Variants in TMEM171 observed in about 807,000 individuals in gnomAD.
TMEM171 encodes proline-rich protein PRP2.
TMEM171 carries 16 observed loss-of-function variants against 19.1 expected under a neutral mutation model. That is an observed-to-expected ratio of 0.84 (90% CI 0.57 to 1.27). The LOEUF is 1.27. Among genes scored for constraint, TMEM171 ranks in the 50% most tolerant of loss-of-function variants. TMEM171 has a pLI of 0.00. For synonymous variants in TMEM171, 153 were observed against 163.4 expected (o/e 0.94, Z 0.48); for missense variants, 429 against 412.7 (o/e 1.04, Z -0.34).
rs138953568 is a variant in TMEM171 at position 73,124,092 on chromosome 5, G to A, written c.640+79G>A. ...GTTTCACCAGCTGCTCTTGGTTCTC[G>A]TCTGGATTCTCTTTCTCAATTCTTC... On this transcript the variant is annotated intron_variant, in intron 2 of 3. Transcript: ENST00000454765. The A allele has an allele frequency of 2.9e-3, 3,572 of 1,235,542 alleles. 42 individuals are homozygous for A. The highest frequency in any genetic ancestry group is 0.026 in the South Asian group (1,548 of 60,212). 76.5% of individuals were successfully genotyped at this position (1,235,542 alleles called of 1,614,324 possible).
chr5:73,127,382 A>ATATAT (rs879892153), intron 2 of TMEM171, among the ~76,000 whole-genome samples: 1,223 of 68,130 alleles, frequency 0.018, 23 homozygotes, highest in Non-Finnish European at 0.026. Flanking sequence ...AAAAAAAAAA[A>ATATAT]AAATATATAT....
At chr5:73,129,054 A>G (rs900527247) in intron 3 of TMEM171, among the ~76,000 whole-genome samples, 1 of 152,206 alleles carries the variant, frequency 6.6e-6, no homozygotes, top group Admixed American at 6.5e-5. Context: ...TTACCGGCGG[A>G]GGGTGTCCAC....
At chr5:73,127,384 A>AAAAAAAAAATATATATATATAT in intron 2 of TMEM171, among the ~76,000 whole-genome samples, 3 of 81,696 alleles carry the variant, frequency 3.7e-5, no homozygotes, top group East Asian at 3.4e-4. Context: ...AAAAAAAAAA[A>AAAAAAAAAATATATATATATAT]ATATATATAT....
rs1744056559 is a variant in TMEM171 at position 73,123,404 on chromosome 5, G to A, written c.31G>A (p.Gly11Arg). 1 of 1,613,858 alleles carries A rather than the reference G, an allele frequency of 6.2e-7. No homozygotes were observed. Among genetic ancestry groups the A allele is most frequent in the Non-Finnish European group, 8.5e-7 (1 of 1,179,768 alleles). Reference sequence around the variant, plus strand: ...TCCTGCAGCTGCTGCTGAGCCAGATGGGGACCAGCAGGACAGACACGTCAG... The same window carrying A: ...TCCTGCAGCTGCTGCTGAGCCAGATAGGGACCAGCAGGACAGACACGTCAG... MSPAAAAEPD[G>R]DQQDRHVSKL... The change falls in exon 2 of 4, where the codon GGG becomes AGG. Residue 11 changes from glycine to arginine, a missense_variant. Transcript: ENST00000454765.
rs772563170 is a variant in TMEM171, at chr5:73,128,525, A to G, written c.776A>G (p.Asn259Ser). ...ENPPSYYSIF[N>S]YGRTPTSEGA... is the part of the protein sequence containing the mutation. ...CCCCCTTCATATTACAGTATTTTCA[A>G]CTATGGGTAAGAATTTCAATTTGAA... The change falls in exon 3 of 4, where the codon AAC becomes AGC. Residue 259 changes from asparagine (N) to serine (S), a missense_variant. By Grantham distance (46) the Asn-to-Ser change is conservative (BLOSUM62 1). Coordinates refer to ENST00000454765, the MANE Select transcript of TMEM171 (RefSeq NM_173490.8). The G allele has an allele frequency of 6.2e-7, 1 of 1,614,014 alleles. No homozygotes were observed. Among genetic ancestry groups the G allele is most frequent in the South Asian group, 1.1e-5 (1 of 91,072 alleles).
At chr5:73,125,314 C>T (rs568104930) in intron 2 of TMEM171, among the ~76,000 whole-genome samples, 1 of 152,254 alleles carries the variant, frequency 6.6e-6, no homozygotes, top group South Asian at 2.1e-4. Flanking sequence ...TCTTAAAGGT[C>T]CCCTGTGTGA....
chr5:73,122,906 T>C (rs1744042568), intron 1 of TMEM171, among the ~76,000 whole-genome samples: 1 of 152,200 alleles, frequency 6.6e-6, no homozygotes, highest in Non-Finnish European at 1.5e-5. Context: ...TGAGAGCAGC[T>C]ATGATGAAAA....
chr5:73,126,632 A>T (rs901104519), intron 2 of TMEM171, among the ~76,000 whole-genome samples: 22 of 152,132 alleles, frequency 1.4e-4, no homozygotes, highest in Non-Finnish European at 1.0e-4. Context: ...CTGTCCTGTG[A>T]TGCAAGAACT....
chr5:73,121,980 A>T (rs1181569627), intron 1 of TMEM171, among the ~76,000 whole-genome samples: 2 of 152,226 alleles, frequency 1.3e-5, no homozygotes, highest in East Asian at 3.8e-4. Context: ...CATTGGAGTA[A>T]AATAAGATAA....
chr5:73,129,594 C>T (rs1269753106), intron 3 of TMEM171, among the ~76,000 whole-genome samples: 1 of 152,194 alleles, frequency 6.6e-6, no homozygotes, highest in Non-Finnish European at 1.5e-5. Context: ...GATCGCGCCA[C>T]TGCACTCCAG....
intron 3 of TMEM171, 45 bp downstream of exon 3, chr5:73,128,576 C>G (rs1204195274): frequency 1.2e-6 from 2 of 1,609,188 alleles, no homozygotes; most frequent in African/African-American, 2.7e-5. Flanking sequence ...GAATTCAGGC[C>G]ACACTAGTAT....
At chr5:73,122,678 C>T (rs1040691665) in intron 1 of TMEM171, among the ~76,000 whole-genome samples, 1 of 152,192 alleles carries the variant, frequency 6.6e-6, no homozygotes, top group Non-Finnish European at 1.5e-5. Flanking sequence ...GGATTACAGG[C>T]GCAAGCCACC....
At chr5:73,125,882 T>C (rs1362167185) in intron 2 of TMEM171, among the ~76,000 whole-genome samples, 1 of 152,202 alleles carries the variant, frequency 6.6e-6, no homozygotes, top group Non-Finnish European at 1.5e-5. Flanking sequence ...TTTGATATTG[T>C]GGAATAGGGT....
At chr5:73,131,241 G>GTGTGTGTT (rs1744346630) in intron 3 of TMEM171, among the ~76,000 whole-genome samples, 1 of 152,020 alleles carries the variant, frequency 6.6e-6, no homozygotes, top group Non-Finnish European at 1.5e-5. Flanking sequence ...GTGTGTGTGT[G>GTGTGTGTT]TGTGTGTCTA....
intron 3 of TMEM171, among the ~76,000 whole-genome samples, chr5:73,130,761 T>C (rs900990589): frequency 6.6e-6 from 1 of 152,248 alleles, no homozygotes; most frequent in Non-Finnish European, 1.5e-5. Flanking sequence ...CGGCCCTGCA[T>C]GGAGAAAGGG....
chr5:73,120,677 G>GGCGCCGGACCCAGCTTCAGGTAAGCT lies in TMEM171; in HGVS notation c.-85_-69+9dup. ...GTGCCCACAGCAGCGCGGTCAGCCAGGCGCCGGACCCAGCTTCAGGTAAGC... is the reference window on the plus strand; with the variant it reads ...GTGCCCACAGCAGCGCGGTCAGCCAGGCGCCGGACCCAGCTTCAGGTAAGCTGCGCCGGACCCAGCTTCAGGTAAGC... On this transcript the variant is annotated 5_prime_UTR_variant, in exon 1 of 4. Transcript: ENST00000454765. 1.0e-6 allele frequency: 1 copy of GGCGCCGGACCCAGCTTCAGGTAAGCT among 984,262 alleles called. No homozygotes were observed. The highest frequency in any genetic ancestry group is 1.2e-6 in the Non-Finnish European group (1 of 829,648). The allele number at this position is 984,262 out of a possible 1,614,324, so 61.0% of individuals were successfully genotyped here. A position where few individuals can be genotyped will look rare whatever the true frequency, so the allele number is the denominator to read the frequency against.
chr5:73,130,350 A>G (rs560449872), intron 3 of TMEM171, among the ~76,000 whole-genome samples: 2 of 152,162 alleles, frequency 1.3e-5, no homozygotes, highest in African/African-American at 4.8e-5. Flanking sequence ...AGAATGGGAA[A>G]CCAGGGTTTA....
chr5:73,125,083 T>C (rs1023230438), intron 2 of TMEM171, among the ~76,000 whole-genome samples: 2 of 152,174 alleles, frequency 1.3e-5, no homozygotes, highest in African/African-American at 2.4e-5. Context: ...ACTGGGTTGC[T>C]GGACTTGCAT....
Position 73,123,514 on chromosome 5 carries a change from C to A in TMEM171, c.141C>A (p.Cys47Ter). The A allele has an allele frequency of 6.2e-7, 1 of 1,614,162 alleles. No individual in the cohort carries two copies. Among genetic ancestry groups the A allele is most frequent in the Non-Finnish European group, 8.5e-7 (1 of 1,180,028 alleles). Reference protein sequence around the residue: ...VLLSIFGFQACQYKPLPDCPM... With the variant: ...VLLSIFGFQA The stretch of plus-strand genomic sequence containing the variant: ...TCTCCATCTTTGGGTTCCAGGCATG[C>A]CAATATAAGCCCCTCCCAGACTGCC... The change falls in exon 2 of 4, where the codon TGC becomes TGA. Residue 47 changes from cysteine (C) to a stop codon, truncating the protein, a stop_gained. Coordinates refer to ENST00000454765, the MANE Select transcript of TMEM171 (RefSeq NM_173490.8). LOFTEE classifies it high-confidence loss of function.
Sources: allele counts gnomAD v4.1 joint callset (sites outside exome capture counted in the v4.1 genomes callset), GRCh38; gene constraint gnomAD v4.1.1; transcripts MANE v1.5; gene names NCBI Gene and HGNC (gene_info 2026-07-23, HGNC 2026-07-21).